Variants in DHRS7B observed in about 807,000 individuals in gnomAD.
DHRS7B encodes the protein peroxisomal reductase activating PPAR-gamma.
A neutral mutation model predicts 26.4 loss-of-function variants in DHRS7B; 24 were observed. The ratio of observed to expected loss-of-function variants is 0.91; its 90% confidence interval spans 0.66 to 1.28. DHRS7B has a LOEUF of 1.28. Ranked by LOEUF, DHRS7B falls within the 50% of genes most tolerant of loss-of-function variation. DHRS7B has a pLI of 0.00. For synonymous variants in DHRS7B, 142 were observed against 166.4 expected (o/e 0.85, Z 1.13); for missense variants, 368 against 419.4 (o/e 0.88, Z 1.07).
At chr17:21,190,823 G>T in intron 6 of DHRS7B, 125 bp from the exon 7 acceptor site, 1 of 936,028 alleles carries the variant, frequency 1.1e-6, no homozygotes. Flanking sequence ...CTGGCTTCCT[G>T]GCCCTGGGAA....
chr17:21,159,066 A>G (rs1973940369), intron 1 of DHRS7B, among the ~76,000 whole-genome samples: 1 of 152,130 alleles, frequency 6.6e-6, no homozygotes, highest in African/African-American at 2.4e-5. Context: ...CTGCTAGAAG[A>G]TAACATAAGA....
At position 21,138,738 on chromosome 17, in the gene DHRS7B, C is replaced by T. The variant is rs191306520; in HGVS notation, c.20+11747C>T. On this transcript the variant is annotated intron_variant, in intron 1 of 6. Transcript: ENST00000395511. ...TAAGTAAGCTGTGAATTAGACAAAA[C>T]TTGTTCACCCTTTTTTAAAAAGGAC... Among the ~76,000 whole-genome samples the T allele has an allele frequency of 2.0e-5, 3 of 152,106 alleles. No homozygotes were observed. The East Asian group carries it at 5.8e-4, about 29-fold the overall frequency.
intron 1 of DHRS7B, among the ~76,000 whole-genome samples, chr17:21,157,525 C>A (rs1020999505): frequency 2.0e-5 from 3 of 152,082 alleles, no homozygotes; most frequent in African/African-American, 7.2e-5. Context: ...AGCAAGACCT[C>A]ATCTCTACAA....
intron 1 of DHRS7B, among the ~76,000 whole-genome samples, chr17:21,136,705 G>A (rs1973351562): frequency 6.6e-6 from 1 of 151,736 alleles, no homozygotes; most frequent in Non-Finnish European, 1.5e-5. Context: ...ACAGGTGTGT[G>A]CCACTATGCC....
intron 1 of DHRS7B, among the ~76,000 whole-genome samples, chr17:21,138,101 T>TATACACACACACAC (rs1555536219): frequency 2.2e-4 from 19 of 86,106 alleles, no homozygotes; most frequent in South Asian, 4.8e-4. Context: ...TATATATATA[T>TATACACACACACAC]ACACACACAC....
intron 1 of DHRS7B, among the ~76,000 whole-genome samples, chr17:21,140,307 C>T (rs1057273229): frequency 4.6e-5 from 7 of 152,098 alleles, no homozygotes; most frequent in East Asian, 3.9e-4. Flanking sequence ...CAGCTGCACC[C>T]GGCCTCAGAT....
chr17:21,150,123 A>AAAC lies in DHRS7B; in HGVS notation c.21-21893_21-21892insCAA, dbSNP rs1256762606. On this transcript the variant is annotated intron_variant, in intron 1 of 6. Coordinates refer to ENST00000395511, the MANE Select transcript of DHRS7B (RefSeq NM_015510.5). Reference sequence around the variant, plus strand: ...CTCTATTTAAAAAAAAAAAAAAAAAAAAAAAAAAACTAAGGCATAGAGTAT... The same window carrying AAAC: ...CTCTATTTAAAAAAAAAAAAAAAAAAAACAAAAAAAAACTAAGGCATAGAGTAT... Among the ~76,000 whole-genome samples, 760 of 120,772 alleles carry AAAC rather than the reference A, an allele frequency of 6.3e-3. 10 individuals carry two copies. The highest frequency in any genetic ancestry group is 0.016 in the Middle Eastern group (4 of 246). The allele number at this position is 120,772 out of a possible 152,430, so 79.2% of individuals were successfully genotyped here. A position where few individuals can be genotyped will look rare whatever the true frequency, so the allele number is the denominator to read the frequency against.
At chr17:21,155,315 A>G (rs1973856449) in intron 1 of DHRS7B, among the ~76,000 whole-genome samples, 1 of 152,216 alleles carries the variant, frequency 6.6e-6, no homozygotes, top group Non-Finnish European at 1.5e-5. Flanking sequence ...CACCATACTA[A>G]CACTAATTAA....
chr17:21,189,564 G>A (rs143927841), intron 6 of DHRS7B, among the ~76,000 whole-genome samples: 1 of 152,348 alleles, frequency 6.6e-6, no homozygotes, highest in East Asian at 1.9e-4. Context: ...TGGGGTTTGT[G>A]CTGTGATGTC....
intron 1 of DHRS7B, among the ~76,000 whole-genome samples, chr17:21,138,101 T>TATATATACAC (rs1555536219): frequency 5.8e-5 from 5 of 86,144 alleles, no homozygotes; most frequent in African/African-American, 2.8e-4. Flanking sequence ...TATATATATA[T>TATATATACAC]ACACACACAC....
chr17:21,182,437 G>A (rs765040589), intron 3 of DHRS7B, among the ~76,000 whole-genome samples: 2 of 151,988 alleles, frequency 1.3e-5, no homozygotes, highest in Non-Finnish European at 2.9e-5. Context: ...TAGTAGAGAC[G>A]GGGGTTTCTC....
chr17:21,190,280 A>G (rs542444307), intron 6 of DHRS7B, among the ~76,000 whole-genome samples: 3 of 152,274 alleles, frequency 2.0e-5, no homozygotes, highest in African/African-American at 4.8e-5. Context: ...TAGAAGGAAC[A>G]TCAGTTGCCG....
intron 1 of DHRS7B, chr17:21,166,281 C>G: frequency 1.0e-6 from 1 of 985,434 alleles, no homozygotes. Flanking sequence ...CTAAAGCCAG[C>G]CTGTACTCTT....
In DHRS7B at chr17:21,184,364, T is replaced by G. The variant is rs1469690787; in HGVS notation, c.527-7T>G. 6.2e-7 allele frequency: 1 copy of G among 1,613,184 alleles called. No homozygotes were observed. On this transcript the variant is annotated splice_region_variant and splice_polypyrimidine_tract_variant and intron_variant, in intron 4 of 6. Coordinates refer to ENST00000395511, the MANE Select transcript of DHRS7B (RefSeq NM_015510.5). ...GCGCTTGCCTAAGCCTCTGCATCTG[T>G]CCTCAGCACTCCTGCCCTCCATGAT...
At chr17:21,172,289 C>A in intron 2 of DHRS7B, 93 bp downstream of exon 2, 1 of 1,458,408 alleles carries the variant, frequency 6.9e-7, no homozygotes, top group South Asian at 1.2e-5. Context: ...AGCGCAAATG[C>A]CCGAAGCGGC....
chr17:21,155,164 G>T (rs555621558), intron 1 of DHRS7B, among the ~76,000 whole-genome samples: 2 of 152,294 alleles, frequency 1.3e-5, no homozygotes, highest in South Asian at 4.1e-4. Context: ...AATGTCAGTG[G>T]TTTTGTCAGT....
intron 1 of DHRS7B, among the ~76,000 whole-genome samples, chr17:21,141,783 C>T (rs766004812): frequency 6.6e-5 from 10 of 151,774 alleles, no homozygotes; most frequent in African/African-American, 1.5e-4. Flanking sequence ...CTTTAGATCT[C>T]GATCAAATTT....
chr17:21,189,341 T>G (rs918636115), intron 6 of DHRS7B, among the ~76,000 whole-genome samples: 3 of 152,206 alleles, frequency 2.0e-5, no homozygotes, highest in Non-Finnish European at 4.4e-5. Flanking sequence ...CACCTTCATC[T>G]TGTCTCATTT....
intron 1 of DHRS7B, among the ~76,000 whole-genome samples, chr17:21,146,363 T>C (rs1419044201): frequency 6.6e-6 from 1 of 152,218 alleles, no homozygotes; most frequent in Non-Finnish European, 1.5e-5. Context: ...ATCACACTAC[T>C]GCACTCCAGC....
Sources: gnomAD v4.1 joint callset for allele counts (sites outside exome capture counted in the v4.1 genomes callset) on GRCh38, gnomAD v4.1.1 for gene constraint, MANE v1.5 for transcripts, NCBI Gene and HGNC (gene_info 2026-07-23, HGNC 2026-07-21) for gene names.